Variants in THRB observed in about 807,000 individuals in gnomAD.
THRB encodes nuclear receptor subfamily 1 group A member 2.
Under a neutral mutation model 47.8 loss-of-function variants are expected in THRB, and 12 were observed. That is an observed-to-expected ratio of 0.25 (90% confidence interval 0.16 to 0.41). THRB has a LOEUF of 0.41. THRB is among the 10% of genes least tolerant of loss of function. The pLI, the probability that THRB is intolerant of heterozygous loss-of-function variation, is 1.00. For missense variants in THRB, 348 were observed against 589.2 expected, an observed-to-expected ratio of 0.59 and a Z score of 4.24; for synonymous variants, 218 against 212.2, an observed-to-expected ratio of 1.03 and a Z score of -0.24.
chr3:24,332,007 G>A (rs529914057), intron 2 of THRB, among the ~76,000 whole-genome samples: 3 of 152,074 alleles, frequency 2.0e-5, no homozygotes, highest in Admixed American at 6.5e-5. Context: ...AGGTGTCTCC[G>A]CAATGTTCCC....
chr3:24,127,847 CCTT>C (rs1174390497), intron 9 of THRB, 90 bp from the exon 10 acceptor site: 2 of 1,407,056 alleles, frequency 1.4e-6, no homozygotes. Flanking sequence ...ATAGGAATAA[CCTT>C]CTGTGATTAA....
At chr3:24,227,546 C>T (rs958991806) in intron 4 of THRB, among the ~76,000 whole-genome samples, 1 of 152,132 alleles carries the variant, frequency 6.6e-6, no homozygotes, top group African/African-American at 2.4e-5. Flanking sequence ...GTGATTTGCC[C>T]AGGCACCCCA....
At chr3:24,492,015 A>G (rs1185311048) in intron 1 of THRB, among the ~76,000 whole-genome samples, 1 of 152,250 alleles carries the variant, frequency 6.6e-6, no homozygotes, top group Non-Finnish European at 1.5e-5. Flanking sequence ...GAGAAAAATA[A>G]AGAGTGAACC....
At chr3:24,455,653 C>T (rs550205914) in intron 1 of THRB, among the ~76,000 whole-genome samples, 134 of 152,330 alleles carry the variant, frequency 8.8e-4, no homozygotes, top group Middle Eastern at 6.8e-3. Flanking sequence ...TCCTTGACTA[C>T]CGCCCCTTTC....
chr3:24,393,196 T>C (rs1560089318), intron 1 of THRB, among the ~76,000 whole-genome samples: 1 of 152,136 alleles, frequency 6.6e-6, no homozygotes, highest in Non-Finnish European at 1.5e-5. Context: ...TACATCATAA[T>C]CTGCAGAACA....
At chr3:24,227,942 A>G (rs2047839044) in intron 4 of THRB, among the ~76,000 whole-genome samples, 3 of 152,192 alleles carry the variant, frequency 2.0e-5, no homozygotes, top group African/African-American at 7.2e-5. Flanking sequence ...GTTAGCAGAC[A>G]TATTTCGACT....
intron 9 of THRB, among the ~76,000 whole-genome samples, chr3:24,129,427 C>T (rs988577220): frequency 5.3e-5 from 8 of 152,228 alleles, no homozygotes; most frequent in Non-Finnish European, 1.2e-4. Flanking sequence ...AGTATGCAAA[C>T]TGGGGCAGGC....
At chr3:24,449,227 A>G (rs1472761110) in intron 1 of THRB, among the ~76,000 whole-genome samples, 1 of 152,222 alleles carries the variant, frequency 6.6e-6, no homozygotes, top group African/African-American at 2.4e-5. Flanking sequence ...CTGTATACCA[A>G]TATAAGGAGT....
chr3:24,407,364 A>G (rs2067909934), intron 1 of THRB, among the ~76,000 whole-genome samples: 1 of 151,562 alleles, frequency 6.6e-6, no homozygotes, highest in Non-Finnish European at 1.5e-5. Context: ...TTCCGGTAAG[A>G]AATATCACCC....
intron 1 of THRB, among the ~76,000 whole-genome samples, chr3:24,425,182 T>A (rs773966500): frequency 4.0e-5 from 6 of 151,898 alleles, no homozygotes; most frequent in Admixed American, 1.3e-4. Context: ...ATACAGTGGC[T>A]AGTGATGCAC....
At chr3:24,431,240 C>T (rs1029586875) in intron 1 of THRB, 9 of 129,958 alleles carry the variant, frequency 6.9e-5, no homozygotes, top group African/African-American at 2.3e-4. Context: ...GACAAAGGAT[C>T]AGTCTCTCTC....
At chr3:24,127,328 G>C (rs1439292943) in intron 10 of THRB, among the ~76,000 whole-genome samples, 171 bp downstream of exon 10, 1 of 152,172 alleles carries the variant, frequency 6.6e-6, no homozygotes, top group Non-Finnish European at 1.5e-5. Flanking sequence ...TCAGACATCT[G>C]ACGCCCCCCC....
intron 1 of THRB, among the ~76,000 whole-genome samples, chr3:24,490,904 C>G (rs1698049038): frequency 6.6e-6 from 1 of 152,132 alleles, no homozygotes. Flanking sequence ...ATTATTATGT[C>G]TTCTGCAATT....
intron 9 of THRB, among the ~76,000 whole-genome samples, chr3:24,130,463 C>A (rs138366190): frequency 6.6e-6 from 1 of 152,050 alleles, no homozygotes. Context: ...GCTGGGGGGG[C>A]GGTGGCATTC....
Position 24,119,662 on chromosome 3 carries a change from G to A in THRB, c.*3222C>T, listed in dbSNP as rs1268811238. 2 of 152,378 alleles carry A rather than the reference G, an allele frequency of 1.3e-5. No individual in the cohort carries two copies. The highest frequency in any genetic ancestry group is 6.5e-5 in the Admixed American group (1 of 15,304). 9.4% of individuals were successfully genotyped at this position (152,378 alleles called of 1,614,324 possible). On this transcript the variant is annotated 3_prime_UTR_variant, in exon 11 of 11. Coordinates refer to ENST00000646209, the MANE Select transcript of THRB (RefSeq NM_001354712.2). ...CTGCACTGCACACTGAAGAGCTGTC[G>A]CCCGGGGCACAGGTGAGGGGCTTCG...
At chr3:24,272,055 C>T (rs955567314) in intron 3 of THRB, among the ~76,000 whole-genome samples, 2 of 152,138 alleles carry the variant, frequency 1.3e-5, no homozygotes, top group Non-Finnish European at 2.9e-5. Flanking sequence ...TTAAAATTTT[C>T]CTATAGTCTG....
intron 3 of THRB, among the ~76,000 whole-genome samples, chr3:24,236,523 G>T (rs891422286): frequency 3.3e-5 from 5 of 152,040 alleles, no homozygotes; most frequent in African/African-American, 9.7e-5. Flanking sequence ...AGGCATGGGG[G>T]AACTGAAACT....
chr3:24,146,848 C>A, intron 6 of THRB, 26 bp from the exon 7 acceptor site: 1 of 1,609,070 alleles, frequency 6.2e-7, no homozygotes, highest in Non-Finnish European at 8.5e-7. Flanking sequence ...AGACCCAAGA[C>A]AACAGTTTCA....
At chr3:24,164,601 A>T (rs1373353845) in intron 5 of THRB, among the ~76,000 whole-genome samples, 2 of 152,216 alleles carry the variant, frequency 1.3e-5, no homozygotes, top group East Asian at 3.8e-4. Context: ...TAACTAGTCA[A>T]CTAAAATAAA....
Sources: allele counts gnomAD v4.1 joint callset (sites outside exome capture counted in the v4.1 genomes callset), GRCh38; gene constraint gnomAD v4.1.1; transcripts MANE v1.5; gene names NCBI Gene and HGNC (gene_info 2026-07-23, HGNC 2026-07-21).